The following C8A variants were observed in gnomAD, a reference collection of about 807,000 sequenced individuals.
C8A encodes complement C8 alpha chain, also known as complement component C8 alpha chain.
A neutral mutation model predicts 65.3 loss-of-function variants in C8A; 67 were observed. The ratio of observed to expected loss-of-function variants is 1.03; its 90% confidence interval spans 0.84 to 1.26. C8A has a LOEUF of 1.26. C8A is among the 50% of genes most tolerant of loss of function. The pLI is 0.00. For missense variants in C8A, 781 were observed against 723.9 expected (o/e 1.08, Z -0.90); for synonymous variants, 290 against 259.4 (o/e 1.12, Z -1.13).
At chr1:56,856,329 T>C (rs1294423165) in intron 1 of C8A, among the ~76,000 whole-genome samples, 1 of 152,102 alleles carries the variant, frequency 6.6e-6, no homozygotes, top group Non-Finnish European at 1.5e-5. Flanking sequence ...ACCTGTACAA[T>C]GGGAGGAAAG....
chr1:56,862,157 C>T (rs2101189632), intron 1 of C8A, among the ~76,000 whole-genome samples: 1 of 152,258 alleles, frequency 6.6e-6, no homozygotes, highest in African/African-American at 2.4e-5. Context: ...ACATGTATGC[C>T]AGGCTTGTGC....
intron 1 of C8A, among the ~76,000 whole-genome samples, chr1:56,859,917 G>C (rs1391508468): frequency 1.3e-5 from 2 of 152,110 alleles, no homozygotes; most frequent in South Asian, 4.2e-4. Flanking sequence ...CAAAAAATTA[G>C]CTGGGCATGG....
chr1:56,917,839 A>G lies in C8A; in HGVS notation c.*123A>G, dbSNP rs1644566267. The G allele has an allele frequency of 5.7e-6, 7 of 1,217,454 alleles. No homozygotes were observed. The highest frequency in any genetic ancestry group is 1.4e-5 in the South Asian group (1 of 74,040). 75.4% of individuals were successfully genotyped at this position (1,217,454 alleles called of 1,614,324 possible). On this transcript the variant is annotated 3_prime_UTR_variant, in exon 11 of 11. Transcript: ENST00000361249. ...AGCACACTTTTTTCTTTGTTCTGCC[A>G]GCTTCCAGGCCTAAGACTAGGTTTT...
Position 56,867,688 on chromosome 1 carries a change from T to A in C8A, c.157T>A (p.Cys53Ser). 6.2e-7 allele frequency: 1 copy of A among 1,613,694 alleles called. No homozygotes were observed. The highest frequency in any genetic ancestry group is 8.5e-7 in the Non-Finnish European group (1 of 1,179,734). Residue 53 changes from cysteine to serine, a missense_variant, in exon 2 of 11, where the codon TGC (cysteine) becomes AGC (serine). Cys to Ser is a moderately radical substitution (Grantham distance 112). Coordinates refer to ENST00000361249, the MANE Select transcript of C8A (RefSeq NM_000562.3). The part of the protein sequence containing the change: ...NWSEWTDCFP[C>S]QDKKYRHRSL... The stretch of plus-strand genomic sequence containing the variant: ...GTCAGAGTGGACAGATTGCTTTCCG[T>A]GCCAGGACAAAAAGGTGAGACACTT...
In C8A at chr1:56,912,462, C is replaced by A. The variant is rs137906147; in HGVS notation, c.1440C>A (p.Arg480=). ...GCCTGGGGCCTCTGGAGGCCAAGCG[C>A]CAGAACCTGCGCCGCGCCTTGGACC... ...HTSLGPLEAK[R]QNLRRALDQY... The change falls in exon 10 of 11, where the codon CGC becomes CGA. Residue 480 remains arginine, a synonymous_variant. Transcript: ENST00000361249. The A allele has an allele frequency of 1.2e-6, 2 of 1,614,084 alleles. No homozygotes were observed. Among genetic ancestry groups the A allele is most frequent in the African/African-American group, 2.7e-5 (2 of 74,936 alleles).
chr1:56,867,701 A>C lies in C8A; in HGVS notation c.170A>C (p.Lys57Thr). The change falls in exon 2 of 11, where the codon AAG (lysine) becomes ACG (threonine). Residue 57 changes from lysine (K) to threonine (T), a missense_variant and splice_region_variant. Coordinates refer to ENST00000361249, the MANE Select transcript of C8A (RefSeq NM_000562.3). ...WTDCFPCQDK[K>T]YRHRSLLQPN... ...GATTGCTTTCCGTGCCAGGACAAAA[A>C]GGTGAGACACTTACAACCGGTTTGG... is the stretch of plus-strand genomic sequence containing the variant. 1.2e-6 allele frequency: 2 copies of C among 1,612,474 alleles called. No individual in the cohort carries two copies.
chr1:56,904,156 T>C (rs1230537843), intron 7 of C8A, among the ~76,000 whole-genome samples: 1 of 152,208 alleles, frequency 6.6e-6, no homozygotes, highest in Non-Finnish European at 1.5e-5. Flanking sequence ...TTTATCTCTC[T>C]GGTTCTGCGT....
intron 1 of C8A, among the ~76,000 whole-genome samples, chr1:56,862,546 C>T (rs534062108): frequency 1.2e-4 from 18 of 152,226 alleles, no homozygotes; most frequent in South Asian, 2.1e-4. Context: ...TCTTCCTCCC[C>T]GACCCCAGTG....
intron 2 of C8A, among the ~76,000 whole-genome samples, chr1:56,873,713 G>T (rs747929988): frequency 6.6e-6 from 1 of 152,130 alleles, no homozygotes; most frequent in Non-Finnish European, 1.5e-5. Context: ...GGAAGGGCCC[G>T]TGGACTGAGC....
At chr1:56,899,206 T>C (rs1644407188) in intron 7 of C8A, among the ~76,000 whole-genome samples, 1 of 152,158 alleles carries the variant, frequency 6.6e-6, no homozygotes, top group African/African-American at 2.4e-5. Flanking sequence ...CCTTCTGATT[T>C]TGTCTTGATT....
chr1:56,855,895 G>T (rs927254973), intron 1 of C8A, among the ~76,000 whole-genome samples: 1 of 151,970 alleles, frequency 6.6e-6, no homozygotes, highest in Non-Finnish European at 1.5e-5. Context: ...TTTGTAACTT[G>T]TATTTAAAGG....
chr1:56,885,458 CCGTAAATAT>C (rs1644290857), intron 6 of C8A, among the ~76,000 whole-genome samples: 1 of 75,198 alleles, frequency 1.3e-5, no homozygotes, highest in Admixed American at 1.7e-4. Context: ...ATATATATTT[CCGTAAATAT>C]ATATTTATTT....
At chr1:56,893,074 A>G (rs1259545616) in intron 7 of C8A, among the ~76,000 whole-genome samples, 4 of 152,132 alleles carry the variant, frequency 2.6e-5, no homozygotes, top group African/African-American at 9.7e-5. Context: ...GCAGTGTGAT[A>G]GTGGAAAAAA....
chr1:56,885,308 TTACATAAA>T lies in C8A; in HGVS notation c.856-616_856-609del, dbSNP rs1423859670. 1.7e-4 allele frequency among the ~76,000 whole-genome samples: 20 copies of T among 118,896 alleles called. No homozygotes were observed. In the East Asian group the frequency reaches 2.5e-3, roughly 15 times the overall value. 78.0% of individuals were successfully genotyped at this position (118,896 alleles called of 152,430 possible). A position where few individuals can be genotyped will look rare whatever the true frequency, so the allele number is the denominator to read the frequency against. On this transcript the variant is annotated intron_variant, in intron 6 of 10. Coordinates refer to ENST00000361249, the MANE Select transcript of C8A (RefSeq NM_000562.3). ...TACATAAATATATATTTATATATAT[TTACATAAA>T]TATATTTATTTAAATATATATTTAC...
chr1:56,896,549 C>T (rs527526825), intron 7 of C8A, among the ~76,000 whole-genome samples: 1 of 152,272 alleles, frequency 6.6e-6, no homozygotes, highest in African/African-American at 2.4e-5. Context: ...CTAGTCAGTC[C>T]TTCGACTGAT....
intron 1 of C8A, among the ~76,000 whole-genome samples, chr1:56,859,825 G>A (rs946204952): frequency 2.0e-5 from 3 of 152,132 alleles, no homozygotes; most frequent in Admixed American, 6.5e-5. Context: ...ACTTTGGGAG[G>A]ACGAGGCAGG....
intron 4 of C8A, among the ~76,000 whole-genome samples, chr1:56,879,611 GA>G (rs1644230809): frequency 6.6e-6 from 1 of 152,124 alleles, no homozygotes; most frequent in Non-Finnish European, 1.5e-5. Flanking sequence ...CAAAATCTAG[GA>G]AAAAATCCAG....
At chr1:56,873,974 A>T in intron 2 of C8A, among the ~76,000 whole-genome samples, 1 of 152,122 alleles carries the variant, frequency 6.6e-6, no homozygotes, top group East Asian at 1.9e-4. Context: ...AAGTCCCAAG[A>T]TTGGCGTGCA....
In C8A at chr1:56,876,170, A is replaced by G. The variant is rs902213317; in HGVS notation, c.425A>G (p.Gln142Arg). ...AGGGCCATTGACGAAGACTGCAGCC[A>G]GTATGAACCAATTCCAGGATCACAG... ...DVRAIDEDCS[Q>R]YEPIPGSQKA... The change falls in exon 4 of 11, where the codon CAG becomes CGG. Residue 142 changes from glutamine (Q) to arginine (R), a missense_variant. Gln to Arg is a conservative substitution (Grantham distance 43, BLOSUM62 1). Transcript: ENST00000361249. 1 of 1,613,830 alleles carries G rather than the reference A, an allele frequency of 6.2e-7. No homozygotes were observed. The highest frequency in any genetic ancestry group is 1.3e-5 in the African/African-American group (1 of 74,914).
Sources: allele counts gnomAD v4.1 joint callset (sites outside exome capture counted in the v4.1 genomes callset), GRCh38; gene constraint gnomAD v4.1.1; transcripts MANE v1.5; gene names NCBI Gene and HGNC (gene_info 2026-07-23, HGNC 2026-07-21).